RALB: variants seen among roughly 807,000 people sequenced by gnomAD.
RALB encodes RAS like proto-oncogene B, also known as ras-related protein Ral-B.
A neutral mutation model predicts 21.3 loss-of-function variants in RALB; 16 were observed. The observed-to-expected ratio is 0.75, with a 90% CI of 0.51 to 1.14. The LOEUF (loss-of-function observed/expected upper bound fraction) is 1.14, where lower values mean the gene tolerates loss of function less well. RALB is among the 50% of genes most tolerant of loss of function. RALB has a pLI of 0.00. For synonymous variants in RALB, 93 were observed against 96.1 expected (o/e 0.97, Z 0.19); for missense variants, 161 against 256.2 (o/e 0.63, Z 2.54).
Position 120,284,039 on chromosome 2 carries a change from A to G in RALB, c.115-1835A>G, listed in dbSNP as rs150077426. On this transcript the variant is annotated intron_variant, in intron 2 of 4. Transcript: ENST00000272519. ...AGCTCAGAAATATACAGTTGAGATAATTTATGGTAGAATTCAGAGATTTTC... is the reference window on the plus strand; with the variant it reads ...AGCTCAGAAATATACAGTTGAGATAGTTTATGGTAGAATTCAGAGATTTTC... Among the ~76,000 whole-genome samples, 364 of 152,294 alleles carry G rather than the reference A, an allele frequency of 2.4e-3. 1 individual carries two copies. Among genetic ancestry groups the G allele is most frequent in the African/African-American group, 7.7e-3 (321 of 41,554 alleles).
At chr2:120,261,102 G>A (rs894390568) in intron 1 of RALB, among the ~76,000 whole-genome samples, 3 of 152,140 alleles carry the variant, frequency 2.0e-5, no homozygotes, top group Admixed American at 6.5e-5. Context: ...AGTTTGAGAA[G>A]CATTAGCACA....
chr2:120,242,605 G>A (rs999997573), intron 1 of RALB, among the ~76,000 whole-genome samples: 3 of 152,078 alleles, frequency 2.0e-5, no homozygotes, highest in Non-Finnish European at 1.5e-5. Context: ...GGGCGTGGTG[G>A]CAGGCGCCTG....
chr2:120,279,214 C>T (rs1281160915), intron 2 of RALB, among the ~76,000 whole-genome samples: 1 of 152,112 alleles, frequency 6.6e-6, no homozygotes, highest in African/African-American at 2.4e-5. Context: ...TCCAGTTCTC[C>T]CGTGCGGCAA....
intron 1 of RALB, among the ~76,000 whole-genome samples, chr2:120,245,590 C>T (rs557299856): frequency 1.3e-5 from 2 of 152,286 alleles, no homozygotes; most frequent in African/African-American, 4.8e-5. Context: ...GCCTTCCTGG[C>T]GCCCTGCAGG....
chr2:120,289,244 GT>G (rs11344022), intron 3 of RALB, among the ~76,000 whole-genome samples: 67,914 of 134,896 alleles, frequency 0.5, 16,882 homozygotes, highest in Middle Eastern at 0.71. Flanking sequence ...TCTTCTTTTT[GT>G]TTTTTTTTTT....
At chr2:120,259,439 CAG>C (rs1245824868) in intron 1 of RALB, among the ~76,000 whole-genome samples, 5 of 152,198 alleles carry the variant, frequency 3.3e-5, no homozygotes, top group African/African-American at 1.2e-4. Context: ...CAGCTAGATA[CAG>C]AGTGTCAATT....
At chr2:120,292,310 T>A (rs913370047) in intron 4 of RALB, among the ~76,000 whole-genome samples, 2 of 152,176 alleles carry the variant, frequency 1.3e-5, no homozygotes, top group Admixed American at 1.3e-4. Flanking sequence ...ATCTTCTCAG[T>A]CGCCTAGTGC....
At chr2:120,249,034 C>CTT (rs34646056), upstream of RALB, among the ~76,000 whole-genome samples, 23 of 136,790 alleles carry the variant, frequency 1.7e-4, no homozygotes, top group African/African-American at 4.9e-4. Flanking sequence ...TTGTGTTAGT[C>CTT]TTTTTTTTTT....
intron 1 of RALB, among the ~76,000 whole-genome samples, chr2:120,268,026 G>C (rs898738202): frequency 6.6e-6 from 1 of 152,146 alleles, no homozygotes; most frequent in Non-Finnish European, 1.5e-5. Flanking sequence ...TCCTGACCTC[G>C]TGATCTGCCC....
At chr2:120,253,851 T>A in intron 1 of RALB, 1 of 308,942 alleles carries the variant, frequency 3.2e-6, no homozygotes, top group Middle Eastern at 1.7e-3. Context: ...TGTAGAACAG[T>A]GCACTTTCTG....
At chr2:120,276,739 A>G (rs1409542906) in intron 1 of RALB, among the ~76,000 whole-genome samples, 1 of 152,112 alleles carries the variant, frequency 6.6e-6, no homozygotes, top group Non-Finnish European at 1.5e-5. Flanking sequence ...GTTCATTCCT[A>G]CTGGGTGCTG....
At chr2:120,264,463 T>A (rs962096558) in intron 1 of RALB, among the ~76,000 whole-genome samples, 7 of 152,296 alleles carry the variant, frequency 4.6e-5, no homozygotes, top group African/African-American at 1.7e-4. Flanking sequence ...TGTCCTGTAT[T>A]TTGTAGATCA....
At chr2:120,262,906 C>T (rs1039104258) in intron 1 of RALB, among the ~76,000 whole-genome samples, 6 of 152,174 alleles carry the variant, frequency 3.9e-5, no homozygotes, top group Non-Finnish European at 7.3e-5. Context: ...GCGTTTTCCA[C>T]GTGTCCCTCT....
chr2:120,271,492 C>T (rs1220340832), intron 1 of RALB, among the ~76,000 whole-genome samples: 1 of 152,184 alleles, frequency 6.6e-6, no homozygotes, highest in African/African-American at 2.4e-5. Flanking sequence ...CTGGAGGACC[C>T]GCCTAGCAAT....
chr2:120,280,897 G>A (rs749683876), intron 2 of RALB: 11 of 437,732 alleles, frequency 2.5e-5, no homozygotes, highest in Middle Eastern at 3.3e-4. Context: ...AAAGTAGAAG[G>A]TATTCTAGAG....
At chr2:120,269,410 C>G (rs1360608794) in intron 1 of RALB, among the ~76,000 whole-genome samples, 1 of 152,136 alleles carries the variant, frequency 6.6e-6, no homozygotes, top group Admixed American at 6.5e-5. Flanking sequence ...GGAAGGTGAC[C>G]TGAGCAGGTT....
intron 1 of RALB, among the ~76,000 whole-genome samples, chr2:120,269,005 C>T (rs1473182230): frequency 3.3e-5 from 5 of 152,094 alleles, no homozygotes; most frequent in South Asian, 2.1e-4. Context: ...GGATCATTGC[C>T]ATTTTGTACC....
intron 1 of RALB, among the ~76,000 whole-genome samples, chr2:120,267,488 T>C (rs1013447109): frequency 6.6e-6 from 1 of 152,204 alleles, no homozygotes; most frequent in Non-Finnish European, 1.5e-5. Context: ...GAAGGGGAAC[T>C]TGACCAAGGA....
intron 4 of RALB, among the ~76,000 whole-genome samples, chr2:120,290,755 G>A (rs1443379571): frequency 6.6e-6 from 1 of 151,780 alleles, no homozygotes; most frequent in African/African-American, 2.4e-5. Flanking sequence ...CACCTATCAG[G>A]GATTGCTATT....
Sources: allele counts gnomAD v4.1 joint callset (sites outside exome capture counted in the v4.1 genomes callset), GRCh38; gene constraint gnomAD v4.1.1; transcripts MANE v1.5; gene names NCBI Gene and HGNC (gene_info 2026-07-23, HGNC 2026-07-21).